NPM1: variants seen among roughly 807,000 people sequenced by gnomAD.
NPM1 encodes nucleophosmin.
A neutral mutation model predicts 44.1 loss-of-function variants in NPM1; 1 was observed. That is an observed-to-expected ratio of 0.02 (90% CI 0.01 to 0.11). The LOEUF is 0.11. Among genes scored for constraint, NPM1 ranks in the 10% least tolerant of loss-of-function variants. The pLI is 1.00. For missense variants in NPM1, 197 were observed against 347.8 expected (o/e 0.57, Z 3.45); for synonymous variants, 126 against 111.8 (o/e 1.13, Z -0.80).
Position 171,410,795 on chromosome 5 carries a change from T to C in NPM1, c.*230T>C. Reference sequence around the variant, plus strand: ...TTTAAGTATGTATGGAATGTTATGATAGGACATAGTAGTAGCGGTGGTCAG... The same window carrying C: ...TTTAAGTATGTATGGAATGTTATGACAGGACATAGTAGTAGCGGTGGTCAG... On this transcript the variant is annotated 3_prime_UTR_variant, in exon 11 of 11. Coordinates refer to ENST00000296930, the MANE Select transcript of NPM1 (RefSeq NM_002520.7). The C allele has an allele frequency of 2.4e-6, 1 of 413,818 alleles. No individual in the cohort carries two copies. Among genetic ancestry groups the C allele is most frequent in the South Asian group, 5.6e-5 (1 of 17,856 alleles). 25.6% of individuals were successfully genotyped at this position (413,818 alleles called of 1,614,324 possible).
chr5:171,400,605 T>C (rs983240561), intron 7 of NPM1, among the ~76,000 whole-genome samples: 1 of 151,854 alleles, frequency 6.6e-6, no homozygotes, highest in Non-Finnish European at 1.5e-5. Flanking sequence ...TACAGACTCA[T>C]GCCACCACAC....
At chr5:171,397,498 T>C (rs1770968293) in intron 6 of NPM1, among the ~76,000 whole-genome samples, 2 of 152,196 alleles carry the variant, frequency 1.3e-5, no homozygotes, top group South Asian at 4.1e-4. Context: ...GAAGTGCTGA[T>C]TGTGGGTTTG....
chr5:171,408,715 G>C (rs1301239474), intron 10 of NPM1, among the ~76,000 whole-genome samples: 1 of 152,016 alleles, frequency 6.6e-6, no homozygotes, highest in Non-Finnish European at 1.5e-5. Context: ...AGTTTATTTG[G>C]AATACTAAAC....
At chr5:171,394,273 C>G (rs562387961) in intron 6 of NPM1, among the ~76,000 whole-genome samples, 1 of 151,984 alleles carries the variant, frequency 6.6e-6, no homozygotes, top group African/African-American at 2.4e-5. Flanking sequence ...CTCCTAACCT[C>G]GTGATCTACC....
intron 8 of NPM1, among the ~76,000 whole-genome samples, chr5:171,404,096 ACCTC>A (rs1217982153): frequency 5.7e-5 from 3 of 52,592 alleles, no homozygotes; most frequent in Non-Finnish European, 1.1e-4. Context: ...TGACCCCCCC[ACCTC>A]CCTCCCGGAC....
intron 9 of NPM1, chr5:171,407,438 G>A: frequency 2.2e-6 from 1 of 453,584 alleles, no homozygotes; most frequent in Non-Finnish European, 3.9e-6. Flanking sequence ...CGAATCTCAA[G>A]TGTAGCTTAT....
chr5:171,397,935 AC>A (rs138404303), intron 6 of NPM1, among the ~76,000 whole-genome samples: 55,380 of 144,932 alleles, frequency 0.38, 10,342 homozygotes, highest in East Asian at 0.56. Flanking sequence ...GATTACAGGC[AC>A]CCCCCCCACC....
chr5:171,405,510 A>ATACT, intron 9 of NPM1, 107 bp downstream of exon 9: 1 of 667,410 alleles, frequency 1.5e-6, no homozygotes, highest in Non-Finnish European at 2.7e-6. Context: ...TTGGTTTAAT[A>ATACT]TACTTGCCTG....
chr5:171,403,659 C>G (rs1373174899), intron 8 of NPM1, among the ~76,000 whole-genome samples: 5 of 135,516 alleles, frequency 3.7e-5, no homozygotes, highest in African/African-American at 8.3e-5. Context: ...ACCTCCCTCC[C>G]GGACGGGGCG....
chr5:171,392,679 G>C, intron 4 of NPM1, 31 bp from the exon 5 acceptor site: 1 of 1,477,952 alleles, frequency 6.8e-7, no homozygotes, highest in Non-Finnish European at 9.3e-7. Flanking sequence ...TGCTGCTTGA[G>C]TTTTATAATG....
chr5:171,400,822 T>C lies in NPM1; in HGVS notation c.583-17T>C. ...TTGGGGTCAGGGACAGTGATTAAGA[T>C]AAATTTCTAATTGCAGTCTATACGA... On this transcript the variant is annotated splice_polypyrimidine_tract_variant and intron_variant, in intron 7 of 10. Transcript: ENST00000296930. 6.4e-7 allele frequency: 1 copy of C among 1,552,586 alleles called. No individual in the cohort carries two copies. The highest frequency in any genetic ancestry group is 1.1e-5 in the South Asian group (1 of 89,712).
chr5:171,391,823 C>G, intron 4 of NPM1, 24 bp downstream of exon 4: 5 of 1,435,158 alleles, frequency 3.5e-6, no homozygotes, highest in Non-Finnish European at 4.9e-6. Context: ...ATATATTATA[C>G]TACTTAGTTT....
intron 3 of NPM1, 120 bp downstream of exon 3, chr5:171,391,544 A>T (rs1770578845): frequency 7.5e-7 from 1 of 1,324,750 alleles, no homozygotes; most frequent in Non-Finnish European, 1.1e-6. Context: ...CTGTCACTGG[A>T]GTTCGATGGT....
intron 6 of NPM1, among the ~76,000 whole-genome samples, chr5:171,398,391 A>G (rs1219795906): frequency 2.6e-5 from 4 of 152,126 alleles, no homozygotes; most frequent in Non-Finnish European, 5.9e-5. Context: ...GGGTCTAAAT[A>G]TAGACTTTGG....
chr5:171,388,941 A>G (rs2113150550), intron 1 of NPM1, among the ~76,000 whole-genome samples: 2 of 152,346 alleles, frequency 1.3e-5, no homozygotes, highest in South Asian at 2.1e-4. Flanking sequence ...CTTCGTGAAT[A>G]TTAATGAGGC....
intron 2 of NPM1, chr5:171,391,048 CTG>C (rs149257970): frequency 0.011 from 3,458 of 309,582 alleles, 37 homozygotes; most frequent in Non-Finnish European, 0.016. Flanking sequence ...TGCACAAATA[CTG>C]TGTTTCGGTT....
intron 10 of NPM1, among the ~76,000 whole-genome samples, chr5:171,409,989 TTTCACCA>T (rs1442261000): frequency 2.6e-5 from 4 of 151,374 alleles, no homozygotes; most frequent in Non-Finnish European, 5.9e-5. Flanking sequence ...GTAGACAGGG[TTTCACCA>T]TGTTGCCCAG....
At chr5:171,408,853 C>A (rs1199508470) in intron 10 of NPM1, among the ~76,000 whole-genome samples, 3 of 152,152 alleles carry the variant, frequency 2.0e-5, no homozygotes, top group African/African-American at 4.8e-5. Context: ...GAGATGCATT[C>A]TTCAACTACT....
At chr5:171,389,994 C>T in intron 1 of NPM1, 57 bp from the exon 2 acceptor site, 2 of 1,085,788 alleles carry the variant, frequency 1.8e-6, no homozygotes, top group Non-Finnish European at 2.8e-6. Context: ...GTTACCCACA[C>T]TTAAGTTTCA....
Sources: gnomAD v4.1 joint callset for allele counts (sites outside exome capture counted in the v4.1 genomes callset) on GRCh38, gnomAD v4.1.1 for gene constraint, MANE v1.5 for transcripts, NCBI Gene and HGNC (gene_info 2026-07-23, HGNC 2026-07-21) for gene names.